Variants in RANBP2 observed in about 807,000 individuals in gnomAD.
The protein encoded by RANBP2 is E3 SUMO-protein ligase RanBP2.
Under a neutral mutation model 303.6 loss-of-function variants are expected in RANBP2, and 57 were observed. That is an observed-to-expected ratio of 0.19 (90% CI 0.15 to 0.23). The LOEUF is 0.23. Among genes scored for constraint, RANBP2 ranks in the 10% least tolerant of loss-of-function variants. The pLI, the probability that RANBP2 is intolerant of heterozygous loss-of-function variation, is 1.00. For missense variants in RANBP2, 3,138 were observed against 3,780.8 expected, an observed-to-expected ratio of 0.83 and a Z score of 4.46; for synonymous variants, 1,167 against 1,301.5, an observed-to-expected ratio of 0.90 and a Z score of 2.23.
chr2:109,259,522 G>A, the RANBP2 span, among the ~76,000 whole-genome samples: 18 of 152,150 alleles, frequency 1.2e-4, 1 homozygote, highest in Admixed American at 6.5e-5. Context: ...AGGACTCTCC[G>A]GGGCCCTTCA....
the RANBP2 span, among the ~76,000 whole-genome samples, chr2:108,969,828 G>A: frequency 2.0e-5 from 3 of 152,218 alleles, no homozygotes; most frequent in Non-Finnish European, 4.4e-5. Context: ...ACGCAAGGCA[G>A]TGTGCAATGA....
the RANBP2 span, among the ~76,000 whole-genome samples, chr2:109,640,877 C>T: frequency 2.6e-5 from 4 of 152,252 alleles, no homozygotes; most frequent in East Asian, 5.8e-4. Flanking sequence ...TGTCCACAAC[C>T]CCAGCCTTTC....
the RANBP2 span, among the ~76,000 whole-genome samples, chr2:109,391,042 A>G: frequency 6.6e-6 from 1 of 152,218 alleles, no homozygotes; most frequent in Non-Finnish European, 1.5e-5. Flanking sequence ...TCATGGGACC[A>G]GCCTGCACCT....
chr2:109,512,550 C>CCTCCTGGT, the RANBP2 span, among the ~76,000 whole-genome samples: 1 of 152,166 alleles, frequency 6.6e-6, no homozygotes, highest in Non-Finnish European at 1.5e-5. Context: ...ACTGCATCTG[C>CCTCCTGGT]CTCCTGGTCT....
At chr2:109,077,946 G>A in the RANBP2 span, among the ~76,000 whole-genome samples, 1 of 147,554 alleles carries the variant, frequency 6.8e-6, no homozygotes, top group Middle Eastern at 3.4e-3. Context: ...ATTCAGCAAT[G>A]TCTCTTCTGG....
the RANBP2 span, among the ~76,000 whole-genome samples, chr2:109,386,925 C>T: frequency 6.6e-6 from 1 of 152,136 alleles, no homozygotes; most frequent in Non-Finnish European, 1.5e-5. Flanking sequence ...CCCCATAGGT[C>T]GATGGAGACT....
At chr2:109,419,724 C>T in the RANBP2 span, 1 of 1,353,804 alleles carries the variant, frequency 7.4e-7, no homozygotes, top group African/African-American at 1.4e-5. Context: ...CGTGTGGTTT[C>T]CGCAGGGTTT....
At chr2:108,795,123 C>T in the RANBP2 span, among the ~76,000 whole-genome samples, 1 of 142,028 alleles carries the variant, frequency 7.0e-6, no homozygotes, top group Non-Finnish European at 1.5e-5. Flanking sequence ...TATTATCTGC[C>T]TTTCGGGTTT....
In RANBP2 at chr2:108,766,172, C is replaced by A; in HGVS notation, c.5633C>A (p.Ser1878Tyr). The A allele has an allele frequency of 1.2e-6, 2 of 1,612,482 alleles. No individual in the cohort carries two copies. Among genetic ancestry groups the A allele is most frequent in the Non-Finnish European group, 1.7e-6 (2 of 1,179,982 alleles). ...CCTTCATTTATGTTTCAGGGTTCTT[C>A]TAATACAGAATTTAAGTCAACCAAA... The part of the protein sequence containing the change: ...NSPSFMFQGS[S>Y]NTEFKSTKEG... The change falls in exon 20 of 29, where the codon TCT becomes TAT. Residue 1878 changes from serine to tyrosine, a missense_variant. This residue lies in a region of RANBP2 where 348 missense variants were observed against 360.4 expected (regional missense o/e 0.97). Coordinates refer to ENST00000283195, the MANE Select transcript of RANBP2 (RefSeq NM_006267.5).
the RANBP2 span, chr2:109,614,781 C>T: frequency 1.4e-6 from 2 of 1,477,284 alleles, no homozygotes; most frequent in Non-Finnish European, 1.8e-6. Context: ...GCCGCGAATC[C>T]AGGTGACCGC....
the RANBP2 span, among the ~76,000 whole-genome samples, chr2:109,537,575 G>A: frequency 2.0e-5 from 3 of 151,536 alleles, no homozygotes; most frequent in East Asian, 1.9e-4. Flanking sequence ...TTTTTTTAAC[G>A]TGTTCTTGGG....
At chr2:109,675,669 T>G in the RANBP2 span, among the ~76,000 whole-genome samples, 1 of 151,408 alleles carries the variant, frequency 6.6e-6, no homozygotes, top group African/African-American at 2.4e-5. Context: ...GCAATAAGAG[T>G]GAAACTCTGT....
At chr2:109,269,535 C>A in the RANBP2 span, among the ~76,000 whole-genome samples, 1 of 152,176 alleles carries the variant, frequency 6.6e-6, no homozygotes, top group South Asian at 2.1e-4. Context: ...AATCCCAGCA[C>A]TTTGGGAGGC....
chr2:109,357,355 G>A, the RANBP2 span, among the ~76,000 whole-genome samples: 1 of 152,084 alleles, frequency 6.6e-6, no homozygotes, highest in Non-Finnish European at 1.5e-5. Context: ...ATAATTTTGT[G>A]TATTTTTAGT....
At chr2:109,350,326 G>T in the RANBP2 span, among the ~76,000 whole-genome samples, 1 of 152,186 alleles carries the variant, frequency 6.6e-6, no homozygotes, top group African/African-American at 2.4e-5. Flanking sequence ...CCTGTTACAG[G>T]ATCTGTGACG....
chr2:109,598,422 T>C, the RANBP2 span, among the ~76,000 whole-genome samples: 2 of 152,220 alleles, frequency 1.3e-5, no homozygotes, highest in Non-Finnish European at 2.9e-5. Context: ...ATTATAAAGT[T>C]AGTCCAAAAT....
chr2:109,022,716 G>A, the RANBP2 span, among the ~76,000 whole-genome samples: 1 of 152,120 alleles, frequency 6.6e-6, no homozygotes, highest in Admixed American at 6.6e-5. Context: ...ATAGATCCAG[G>A]TAACAAAACT....
downstream of RANBP2, chr2:108,788,096 C>A (rs758886949): frequency 1.2e-6 from 2 of 1,601,690 alleles, no homozygotes; most frequent in African/African-American, 1.4e-5. Flanking sequence ...CCAGGTAAGC[C>A]GGTATTTTGT....
the RANBP2 span, among the ~76,000 whole-genome samples, chr2:109,630,956 C>G: frequency 2.6e-5 from 4 of 152,126 alleles, no homozygotes; most frequent in Admixed American, 1.3e-4. Context: ...ATCCCAGCTA[C>G]TCGGGAGGCT....
Sources: allele counts gnomAD v4.1 joint callset (sites outside exome capture counted in the v4.1 genomes callset), GRCh38; gene constraint gnomAD v4.1.1; regional missense constraint gnomAD v4.1.1; transcripts MANE v1.5; gene names NCBI Gene and HGNC (gene_info 2026-07-23, HGNC 2026-07-21).